SELP: variants seen among roughly 807,000 people sequenced by gnomAD.
The protein encoded by SELP is P-selectin.
A neutral mutation model predicts 104.1 loss-of-function variants in SELP; 92 were observed. The ratio of observed to expected loss-of-function variants is 0.88; its 90% confidence interval spans 0.75 to 1.05. The LOEUF (loss-of-function observed/expected upper bound fraction) is 1.05. Ranked by LOEUF, SELP falls within the 50% of genes least tolerant of loss-of-function variation. SELP has a pLI of 0.00. For synonymous variants in SELP, 397 were observed against 364.5 expected (o/e 1.09, Z -1.01); for missense variants, 1,022 against 1,017.3 (o/e 1.00, Z -0.06).
intron 2 of SELP, 98 bp from the exon 3 acceptor site, chr1:169,617,512 C>T: frequency 7.9e-7 from 1 of 1,266,984 alleles, no homozygotes; most frequent in Non-Finnish European, 1.1e-6. Flanking sequence ...AATTTCCGAC[C>T]AGAACATTAA....
chr1:169,607,260 T>C (rs751591422), intron 8 of SELP, 126 bp from the exon 9 acceptor site: 133 of 672,140 alleles, frequency 2.0e-4, no homozygotes, highest in Non-Finnish European at 2.7e-4. Flanking sequence ...ACATAGAAGA[T>C]AAGAAAAAGT....
At chr1:169,610,272 C>T (rs1237746820) in intron 7 of SELP, among the ~76,000 whole-genome samples, 1 of 152,046 alleles carries the variant, frequency 6.6e-6, no homozygotes, top group Non-Finnish European at 1.5e-5. Flanking sequence ...CTCTAGAACA[C>T]AGGATGTCAT....
chr1:169,622,946 A>AT (rs1663209962), intron 1 of SELP, among the ~76,000 whole-genome samples: 1 of 152,222 alleles, frequency 6.6e-6, no homozygotes, highest in Non-Finnish European at 1.5e-5. Context: ...ACTTTAAGAA[A>AT]TTATGTAACA....
At chr1:169,621,115 G>GTA (rs199626289) in intron 1 of SELP, among the ~76,000 whole-genome samples, 1 of 142,402 alleles carries the variant, frequency 7.0e-6, no homozygotes, top group Admixed American at 7.0e-5. Flanking sequence ...GTGTGTGTGT[G>GTA]TGTGTCACAC....
intron 1 of SELP, among the ~76,000 whole-genome samples, chr1:169,622,534 G>A (rs1663188531): frequency 6.6e-6 from 1 of 152,176 alleles, no homozygotes; most frequent in Admixed American, 6.5e-5. Flanking sequence ...ATGAACAAAT[G>A]AGGGAAAGCT....
rs1174126255 is a variant in SELP at position 169,603,114 on chromosome 1, G to C, written c.1617C>G (p.Ile539Met). The C allele has an allele frequency of 6.2e-7, 1 of 1,614,094 alleles. No individual in the cohort carries two copies. Among genetic ancestry groups the C allele is most frequent in the Middle Eastern group, 1.6e-4 (1 of 6,062 alleles). ...SSSYKSTCQF[I>M]CDEGYSLSGP... The stretch of plus-strand genomic sequence containing the variant: ...CAGACAAAGAATATCCCTCGTCACA[G>C]ATGAATTGACATGTGGATTTATAAC... The change falls in exon 10 of 17, where the codon ATC becomes ATG. Residue 539 changes from isoleucine to methionine, a missense_variant. By Grantham distance (10) the Ile-to-Met change is conservative. Transcript: ENST00000263686.
chr1:169,611,350 A>T, intron 7 of SELP, 142 bp downstream of exon 7: 2 of 774,304 alleles, frequency 2.6e-6, no homozygotes, highest in South Asian at 3.7e-5. Context: ...CAGATGAGAA[A>T]ACCATGGTTC....
chr1:169,612,955 C>T lies in SELP; in HGVS notation c.749G>A (p.Trp250Ter). Reference protein sequence around the residue: ...SKLECLASGIWTNKPPQCLAA... With the variant: ...SKLECLASGI ...TAAACACTGTGGAGGCTTATTTGTC[C>T]AGATTCCAGAAGCCAAGCATTCCAG... The change falls in exon 5 of 17, where the codon TGG becomes TAG. Residue 250 changes from tryptophan (W) to a stop codon, truncating the protein, a stop_gained. Transcript: ENST00000263686. LOFTEE classifies it high-confidence loss of function. The T allele has an allele frequency of 6.2e-7, 1 of 1,612,350 alleles. No homozygotes were observed. Among genetic ancestry groups the T allele is most frequent in the Non-Finnish European group, 8.5e-7 (1 of 1,178,864 alleles).
chr1:169,598,201 T>C (rs3917795), intron 10 of SELP, among the ~76,000 whole-genome samples: 34,880 of 152,202 alleles, frequency 0.23, 7,193 homozygotes, highest in African/African-American at 0.56. Flanking sequence ...AGCATTATTC[T>C]TTTCTCCCCA....
Position 169,603,160 on chromosome 1 carries a change from A to C in SELP, c.1571T>G (p.Val524Gly), listed in dbSNP as rs1190560420. The change falls in exon 10 of 17, where the codon GTT becomes GGT. Residue 524 changes from valine to glycine, a missense_variant. Transcript: ENST00000263686. ...LSPQNGTMTC[V>G]QPLGSSSYKS... ...ATAACTGGAACTTCCAAGAGGTTGA[A>C]CACAGGTCATTGTTCCATTCTGAGG... 6.2e-7 allele frequency: 1 copy of C among 1,614,126 alleles called. No individual in the cohort carries two copies. Among genetic ancestry groups the C allele is most frequent in the Non-Finnish European group, 8.5e-7 (1 of 1,179,998 alleles).
intron 9 of SELP, among the ~76,000 whole-genome samples, chr1:169,603,501 A>ATT (rs1662028508): frequency 6.6e-6 from 1 of 152,106 alleles, no homozygotes; most frequent in African/African-American, 2.4e-5. Flanking sequence ...TTTAGAGGTG[A>ATT]TTTTTAAAGG....
In SELP at chr1:169,590,171, C is replaced by T. The variant is rs755777385; in HGVS notation, c.2470G>A (p.Ala824Thr). Residue 824 changes from alanine (A) to threonine (T), a missense_variant, in exon 16 of 17, where the codon GCT (alanine) becomes ACT (threonine). Physicochemically the swap from Ala to Thr is moderately conservative, Grantham distance 58. Transcript: ENST00000263686. ...CCTTAAGGACTCGGGTCAAATGCAG[C>T]GTTTGTAAAAACTCCATATGTTCCT... ...HLGTYGVFTN[A>T]AFDPSP The T allele has an allele frequency of 1.1e-5, 17 of 1,612,972 alleles. 1 individual carries two copies. The highest frequency in any genetic ancestry group is 1.6e-4 in the Middle Eastern group (1 of 6,080).
chr1:169,615,355 GT>G (rs1366888738), intron 3 of SELP, among the ~76,000 whole-genome samples: 1 of 152,194 alleles, frequency 6.6e-6, no homozygotes, highest in African/African-American at 2.4e-5. Context: ...ACCCATCTGT[GT>G]TCAGGTAAAG....
Position 169,595,801 on chromosome 1 carries a change from A to G in SELP, c.2101+124T>C, listed in dbSNP as rs979681915. 5.0e-6 allele frequency: 4 copies of G among 792,902 alleles called. No individual in the cohort carries two copies. The African/African-American group carries it at 5.1e-5, about 10-fold the overall frequency. The allele number at this position is 792,902 out of a possible 1,614,324, so 49.1% of individuals were successfully genotyped here. ...TTCTAATGGGATTGGTGTGGATTTC[A>G]TAAGGGAGATGACACTTGGAGTAGT... On this transcript the variant is annotated intron_variant, in intron 12 of 16. Transcript: ENST00000263686.
At chr1:169,625,399 A>G (rs2101933664) in intron 1 of SELP, among the ~76,000 whole-genome samples, 1 of 152,110 alleles carries the variant, frequency 6.6e-6, no homozygotes, top group East Asian at 1.9e-4. Flanking sequence ...TTCTCTTCTC[A>G]TTCTTCTGCT....
chr1:169,628,451 A>G (rs1663482753), intron 1 of SELP, among the ~76,000 whole-genome samples: 2 of 152,202 alleles, frequency 1.3e-5, no homozygotes, highest in African/African-American at 2.4e-5. Context: ...TTGAAATATT[A>G]AAAACCATTC....
rs750552668 is a variant in SELP at position 169,590,139 on chromosome 1, G to T, written c.*1+8C>A. On this transcript the variant is annotated splice_region_variant and intron_variant, in intron 16 of 16. Coordinates refer to ENST00000263686, the MANE Select transcript of SELP (RefSeq NM_003005.4). The stretch of plus-strand genomic sequence containing the variant: ...TTTCCTTCAAAAATATCTTTATAGG[G>T]ATCTTACCTTAAGGACTCGGGTCAA... 8 of 1,593,706 alleles carry T rather than the reference G, an allele frequency of 5.0e-6. No individual in the cohort carries two copies. Among genetic ancestry groups the T allele is most frequent in the Non-Finnish European group, 6.9e-6 (8 of 1,161,764 alleles).
chr1:169,592,823 CT>C (rs1266996880), intron 14 of SELP, among the ~76,000 whole-genome samples: 1 of 152,180 alleles, frequency 6.6e-6, no homozygotes, highest in Non-Finnish European at 1.5e-5. Flanking sequence ...CTGCCCCTAA[CT>C]TCATCTCCTG....
intron 6 of SELP, 96 bp downstream of exon 6, chr1:169,612,121 C>T (rs770792524): frequency 6.3e-5 from 81 of 1,288,668 alleles, no homozygotes; most frequent in Non-Finnish European, 8.2e-5. Flanking sequence ...TTTGGCAATT[C>T]AGGCCAGCTT....
Sources: allele counts gnomAD v4.1 joint callset (sites outside exome capture counted in the v4.1 genomes callset), GRCh38; gene constraint gnomAD v4.1.1; transcripts MANE v1.5; gene names NCBI Gene and HGNC (gene_info 2026-07-23, HGNC 2026-07-21).